ATP8A2: variants seen among roughly 807,000 people sequenced by gnomAD.
ATP8A2 encodes the protein phospholipid-transporting ATPase IB.
ATP8A2 carries 100 observed loss-of-function variants against 165.6 expected under a neutral mutation model. The observed-to-expected ratio is 0.60, with a 90% CI of 0.51 to 0.71. The LOEUF is 0.71. ATP8A2 is among the 30% of genes least tolerant of loss of function. The pLI is 0.00. For missense variants in ATP8A2, 1,227 were observed against 1,479.5 expected, an observed-to-expected ratio of 0.83 and a Z score of 2.80; for synonymous variants, 543 against 548.8, an observed-to-expected ratio of 0.99 and a Z score of 0.15.
intron 35 of ATP8A2, among the ~76,000 whole-genome samples, chr13:26,007,366 TC>T (rs1461544419): frequency 6.6e-6 from 1 of 152,216 alleles, no homozygotes; most frequent in Non-Finnish European, 1.5e-5. Flanking sequence ...TTCCTACACC[TC>T]CAGTAGAGTG....
chr13:25,758,109 G>A (rs1663322844), intron 25 of ATP8A2, among the ~76,000 whole-genome samples: 1 of 152,222 alleles, frequency 6.6e-6, no homozygotes, highest in Non-Finnish European at 1.5e-5. Flanking sequence ...ACCAGGTGGA[G>A]TCAAAAGTTG....
At chr13:25,412,131 A>T (rs555825345) in intron 1 of ATP8A2, among the ~76,000 whole-genome samples, 1 of 152,172 alleles carries the variant, frequency 6.6e-6, no homozygotes, top group South Asian at 2.1e-4. Context: ...CCTCTCAGAG[A>T]CAGGCAGGCA....
intron 1 of ATP8A2, among the ~76,000 whole-genome samples, chr13:25,456,240 G>A (rs892055844): frequency 2.6e-5 from 4 of 152,154 alleles, no homozygotes; most frequent in Non-Finnish European, 5.9e-5. Flanking sequence ...GGAAGTACTC[G>A]TCTTTCTCTT....
At chr13:25,695,551 T>A (rs570378372) in intron 24 of ATP8A2, among the ~76,000 whole-genome samples, 2 of 152,358 alleles carry the variant, frequency 1.3e-5, no homozygotes, top group African/African-American at 4.8e-5. Flanking sequence ...CTGCTGCTGC[T>A]TTATCAACTA....
chr13:25,632,205 G>T (rs1278712781), intron 24 of ATP8A2, among the ~76,000 whole-genome samples: 1 of 152,138 alleles, frequency 6.6e-6, no homozygotes, highest in African/African-American at 2.4e-5. Context: ...ACCTGCATGT[G>T]TTCAGCAACC....
intron 24 of ATP8A2, among the ~76,000 whole-genome samples, chr13:25,671,957 C>T (rs774534484): frequency 3.9e-5 from 6 of 152,184 alleles, no homozygotes; most frequent in African/African-American, 7.2e-5. Flanking sequence ...ATGTCTCCCC[C>T]GGATGCCCGG....
At position 25,543,503 on chromosome 13, in the gene ATP8A2, T is replaced by A. The variant is rs921006176; in HGVS notation, c.891+101T>A. 20 of 715,666 alleles carry A rather than the reference T, an allele frequency of 2.8e-5. No homozygotes were observed. The East Asian group carries it at 4.8e-4, about 17-fold the overall frequency. 44.3% of individuals were successfully genotyped at this position (715,666 alleles called of 1,614,324 possible). A position where few individuals can be genotyped will look rare whatever the true frequency, so the allele number is the denominator to read the frequency against. On this transcript the variant is annotated intron_variant, in intron 10 of 36. Coordinates refer to ENST00000381655, the MANE Select transcript of ATP8A2 (RefSeq NM_016529.6). ...GTTGCATTTAGGAAGTTCAAATTTG[T>A]CTATGAACCTAAATTTGGAAAGAAC...
chr13:25,550,120 T>C (rs2038774384), intron 10 of ATP8A2, among the ~76,000 whole-genome samples: 1 of 151,852 alleles, frequency 6.6e-6, no homozygotes, highest in South Asian at 2.1e-4. Flanking sequence ...GCCTGGCCAA[T>C]ATGGTGAAAC....
At chr13:25,773,019 C>G (rs1184482620) in intron 26 of ATP8A2, among the ~76,000 whole-genome samples, 2 of 152,104 alleles carry the variant, frequency 1.3e-5, no homozygotes, top group African/African-American at 2.4e-5. Context: ...CTTGGCCTCC[C>G]AAAGTGCTGG....
chr13:25,907,184 T>A (rs1262549439), intron 33 of ATP8A2, among the ~76,000 whole-genome samples: 1 of 152,020 alleles, frequency 6.6e-6, no homozygotes. Context: ...GAGTAACCAC[T>A]GTGCTACCCG....
chr13:25,852,745 G>A (rs1423587695), intron 30 of ATP8A2, among the ~76,000 whole-genome samples: 2 of 152,112 alleles, frequency 1.3e-5, no homozygotes, highest in East Asian at 1.9e-4. Context: ...GGGAGGCCGA[G>A]GCAGGTGGAT....
intron 24 of ATP8A2, among the ~76,000 whole-genome samples, chr13:25,647,359 T>A (rs1484574911): frequency 6.6e-6 from 1 of 152,218 alleles, no homozygotes; most frequent in East Asian, 1.9e-4. Context: ...AAAGACAGCT[T>A]TGCTATGTAA....
At position 25,674,271 on chromosome 13, in the gene ATP8A2, C is replaced by CCCCG. The variant is rs1555245518; in HGVS notation, c.2212-24900_2212-24899insCGCC. Among the ~76,000 whole-genome samples the CCCCG allele has an allele frequency of 5.9e-5, 9 of 152,186 alleles. No homozygotes were observed. The East Asian group carries it at 1.7e-3, about 30-fold the overall frequency. On this transcript the variant is annotated intron_variant, in intron 24 of 36. Coordinates refer to ENST00000381655, the MANE Select transcript of ATP8A2 (RefSeq NM_016529.6). ...CTATGAGGGTCCAGATGTGTCCCCC[C>CCCCG]CCGAAAACTAAATCTATAAGGACCT...
chr13:25,632,040 C>T (rs1025786057), intron 24 of ATP8A2, among the ~76,000 whole-genome samples: 7 of 151,846 alleles, frequency 4.6e-5, no homozygotes, highest in African/African-American at 1.2e-4. Flanking sequence ...CCTCATGGTT[C>T]GATTAATTTA....
chr13:25,380,381 C>T (rs981383824), intron 1 of ATP8A2, among the ~76,000 whole-genome samples: 3 of 151,972 alleles, frequency 2.0e-5, no homozygotes, highest in African/African-American at 7.3e-5. Flanking sequence ...AGATCTTTGC[C>T]GCGCAGTAGA....
chr13:25,514,767 C>T (rs1051473339), intron 2 of ATP8A2, among the ~76,000 whole-genome samples: 4 of 152,114 alleles, frequency 2.6e-5, no homozygotes, highest in Non-Finnish European at 5.9e-5. Context: ...TGCCACAGAC[C>T]CTTTTCCATC....
intron 1 of ATP8A2, among the ~76,000 whole-genome samples, chr13:25,397,580 T>C (rs1010577325): frequency 2.0e-5 from 3 of 152,180 alleles, no homozygotes; most frequent in Non-Finnish European, 4.4e-5. Context: ...TGGGAAACCC[T>C]GAGAATTTTC....
chr13:25,674,248 A>G (rs2042325435), intron 24 of ATP8A2, among the ~76,000 whole-genome samples: 1 of 151,354 alleles, frequency 6.6e-6, no homozygotes, highest in Non-Finnish European at 1.5e-5. Flanking sequence ...CAGAACTCCT[A>G]TGAGGGTCCA....
chr13:25,584,790 C>T (rs1276266473), intron 23 of ATP8A2, among the ~76,000 whole-genome samples: 3 of 152,100 alleles, frequency 2.0e-5, no homozygotes, highest in Non-Finnish European at 4.4e-5. Flanking sequence ...TACATTTCAT[C>T]CATTCCAAGG....
Sources: allele counts gnomAD v4.1 joint callset (sites outside exome capture counted in the v4.1 genomes callset), GRCh38; gene constraint gnomAD v4.1.1; transcripts MANE v1.5; gene names NCBI Gene and HGNC (gene_info 2026-07-23, HGNC 2026-07-21).